POLE: variants seen among roughly 807,000 people sequenced by gnomAD.
POLE encodes DNA polymerase epsilon, catalytic subunit, also known as DNA polymerase epsilon catalytic subunit A.
A neutral mutation model predicts 279.2 loss-of-function variants in POLE; 188 were observed. The observed-to-expected ratio is 0.67, with a 90% CI of 0.60 to 0.76. The LOEUF is 0.76. Ranked by LOEUF, POLE falls within the 30% of genes least tolerant of loss-of-function variation. POLE has a pLI of 0.00. For synonymous variants in POLE, 1,214 were observed against 1,172.5 expected, an observed-to-expected ratio of 1.04 and a Z score of -0.72; for missense variants, 2,703 against 3,016.7, an observed-to-expected ratio of 0.90 and a Z score of 2.44.
rs33985588 is a variant in POLE, at chr12:132,668,082, CAA to C, written c.2173+272_2173+273del. 4.0e-5 allele frequency among the ~76,000 whole-genome samples: 6 copies of C among 148,770 alleles called. No homozygotes were observed. Among genetic ancestry groups the C allele is most frequent in the African/African-American group, 4.9e-5 (2 of 40,614 alleles). On this transcript the variant is annotated intron_variant, in intron 19 of 48. Transcript: ENST00000320574. This position sits in a 1 kb window ranked among gnomAD's most constrained non-coding sequence, Gnocchi z 4.0. ...TGGGTGACAGAGTGAGACCTCATTT[CAA>C]AAAAAAAAAGAAAGAAATAGGACAG...
At chr12:132,671,693 A>AAAAAAAAAAAAAC in intron 16 of POLE, among the ~76,000 whole-genome samples, 1 of 151,288 alleles carries the variant, frequency 6.6e-6, no homozygotes. Flanking sequence ...AAAAAAAAAA[A>AAAAAAAAAAAAAC]AAAAAAAAAG....
rs2041776799 is a variant in POLE at position 132,623,921 on chromosome 12, G to A, written c.*776C>T. 1 of 189,736 alleles carries A rather than the reference G, an allele frequency of 5.3e-6. No homozygotes were observed. The highest frequency in any genetic ancestry group is 2.3e-5 in the African/African-American group (1 of 42,818). 11.8% of individuals were successfully genotyped at this position (189,736 alleles called of 1,614,324 possible). A position where few individuals can be genotyped will look rare whatever the true frequency, so the allele number is the denominator to read the frequency against. ...CTCCTGTGAGGCTCTCGTCTGGGGT[G>A]TCTGCATTTCTGATTTACATTTCAT... On this transcript the variant is annotated 3_prime_UTR_variant, in exon 49 of 49. Transcript: ENST00000320574.
In POLE at chr12:132,632,512, G is replaced by A. The variant is rs2041953936; in HGVS notation, c.6137-4C>T. The A allele has an allele frequency of 6.2e-7, 1 of 1,613,786 alleles. No homozygotes were observed. Among genetic ancestry groups the A allele is most frequent in the Non-Finnish European group, 8.5e-7 (1 of 1,179,676 alleles). Reference sequence around the variant, plus strand: ...TCCTGAGAGAAGGTGATCATTCCTGGAAGTATAAGGATGCTGAGGGAGGGG... The same window carrying A: ...TCCTGAGAGAAGGTGATCATTCCTGAAAGTATAAGGATGCTGAGGGAGGGG... On this transcript the variant is annotated splice_polypyrimidine_tract_variant and splice_region_variant and intron_variant, in intron 44 of 48. Coordinates refer to ENST00000320574, the MANE Select transcript of POLE (RefSeq NM_006231.4).
chr12:132,658,014 C>T (rs1565954197), intron 26 of POLE, 44 bp from the exon 27 acceptor site: 1 of 1,203,046 alleles, frequency 8.3e-7, no homozygotes, highest in African/African-American at 1.5e-5. Flanking sequence ...CAGTGAAAAT[C>T]ACCCAAAATC....
At chr12:132,626,493 G>A (rs1004051850) in intron 45 of POLE, among the ~76,000 whole-genome samples, 176 bp from the exon 46 acceptor site, 4 of 152,182 alleles carry the variant, frequency 2.6e-5, no homozygotes, top group African/African-American at 9.7e-5. Context: ...CATCGGTGAG[G>A]ACAGGCTTCC....
chr12:132,672,824 A>G lies in POLE; in HGVS notation c.1489T>C (p.Ser497Pro), dbSNP rs764069224. Residue 497 changes from serine to proline, a missense_variant, in exon 15 of 49, where the codon TCT (serine) becomes CCT (proline). Transcript: ENST00000320574. Reference sequence around the variant, plus strand: ...AGCAAGGCCTCACACAGAGTGCCAGAGCCCTTCCGCAGCACCTGCAAGAGA... The same window carrying G: ...AGCAAGGCCTCACACAGAGTGCCAGGGCCCTTCCGCAGCACCTGCAAGAGA... ...MEPDEVLRKG[S>P]GTLCEALLMV... The G allele has an allele frequency of 2.5e-6, 4 of 1,613,996 alleles. No individual in the cohort carries two copies. The highest frequency in any genetic ancestry group is 3.4e-6 in the Non-Finnish European group (4 of 1,179,970).
At chr12:132,656,320 T>TC (rs199782655) in intron 29 of POLE, among the ~76,000 whole-genome samples, 2,591 of 151,798 alleles carry the variant, frequency 0.017, 65 homozygotes, top group African/African-American at 0.057. Context: ...CTCTTACAAA[T>TC]AAGACAGTTA....
At chr12:132,637,865 C>T in intron 41 of POLE, 149 bp downstream of exon 41, 2 of 826,272 alleles carry the variant, frequency 2.4e-6, no homozygotes, top group Non-Finnish European at 3.6e-6. Context: ...CGGTAACCCC[C>T]TTTTCACGCT....
Position 132,682,869 on chromosome 12 carries a change from C to T in POLE, c.63-1590G>A, listed in dbSNP as rs565955113. 3.9e-3 allele frequency among the ~76,000 whole-genome samples: 587 copies of T among 151,902 alleles called. 2 individuals are homozygous for T. The highest frequency in any genetic ancestry group is 0.013 in the African/African-American group (558 of 41,398). The stretch of plus-strand genomic sequence containing the variant: ...TCGGGAGGCTGAGGCAGGAGAATGG[C>T]GTGAATCCAGGAGGCAGAGCTTGCA... On this transcript the variant is annotated intron_variant, in intron 1 of 48. Coordinates refer to ENST00000320574, the MANE Select transcript of POLE (RefSeq NM_006231.4).
In POLE at chr12:132,651,581, C is replaced by T. The variant is rs149096301; in HGVS notation, c.3583-1692G>A. ...GCAGGCAGCTCCCAAAATGGCCCAA[C>T]GACCCCCACTTCCTGGTGTTCACAC... On this transcript the variant is annotated intron_variant, in intron 29 of 48. Coordinates refer to ENST00000320574, the MANE Select transcript of POLE (RefSeq NM_006231.4). Among the ~76,000 whole-genome samples, 5 of 152,366 alleles carry T rather than the reference C, an allele frequency of 3.3e-5. 1 individual carries two copies. The highest frequency in any genetic ancestry group is 7.2e-5 in the African/African-American group (3 of 41,590).
rs763570508 is a variant in POLE at position 132,661,216 on chromosome 12, C to G, written c.2865-52G>C. On this transcript the variant is annotated intron_variant, in intron 24 of 48. Coordinates refer to ENST00000320574, the MANE Select transcript of POLE (RefSeq NM_006231.4). This position sits in a 1 kb window ranked among gnomAD's most constrained non-coding sequence, Gnocchi z 4.1. ...AGCAGTGGCAAGGAGCGCTGGGGAG[C>G]CACCAGCTGTGCCTCATCCTCTCTG... 1 of 1,484,334 alleles carries G rather than the reference C, an allele frequency of 6.7e-7. No homozygotes were observed. The highest frequency in any genetic ancestry group is 9.1e-7 in the Non-Finnish European group (1 of 1,099,018). The allele number at this position is 1,484,334 out of a possible 1,614,324, so 91.9% of individuals were successfully genotyped here.
intron 7 of POLE, 39 bp from the exon 8 acceptor site, chr12:132,677,482 C>T (rs1292446645): frequency 6.2e-7 from 1 of 1,608,590 alleles, no homozygotes; most frequent in Non-Finnish European, 8.5e-7. Context: ...GTTCTACATC[C>T]AGGAAAGTCT....
At chr12:132,671,053 AG>A (rs1416715356) in intron 16 of POLE, among the ~76,000 whole-genome samples, 1 of 150,596 alleles carries the variant, frequency 6.6e-6, no homozygotes, top group Non-Finnish European at 1.5e-5. Flanking sequence ...ACTTACAGTC[AG>A]GAGTTCGAAA....
chr12:132,643,838 T>C lies in POLE; in HGVS notation c.4289A>G (p.Gln1430Arg), dbSNP rs1060500836. The change falls in exon 33 of 49, where the codon CAG (glutamine) becomes CGG (arginine). Residue 1430 changes from glutamine (Q) to arginine (R), a missense_variant and splice_region_variant. Gln to Arg is a conservative substitution (Grantham distance 43). Transcript: ENST00000320574. ...AGTCGAGGGTGGCTGGGGAGTCACCTGAGTCTCATATACGCCCTCGATGTC... is the reference window on the plus strand; with the variant it reads ...AGTCGAGGGTGGCTGGGGAGTCACCCGAGTCTCATATACGCCCTCGATGTC... The part of the protein sequence containing the change: ...APDIEGVYET[Q>R]VPLLFRALVH... The C allele has an allele frequency of 6.2e-7, 1 of 1,613,352 alleles. No homozygotes were observed. Among genetic ancestry groups the C allele is most frequent in the Non-Finnish European group, 8.5e-7 (1 of 1,179,434 alleles).
chr12:132,643,089 A>G (rs2042191376), intron 35 of POLE, 93 bp from the exon 36 acceptor site: 1 of 1,476,166 alleles, frequency 6.8e-7, no homozygotes, highest in South Asian at 1.3e-5. Flanking sequence ...GGCACTGCCA[A>G]TTCAATCACG....
chr12:132,649,735 G>C lies in POLE; in HGVS notation c.3737C>G (p.Thr1246Arg), dbSNP rs750902578. Residue 1246 changes from threonine (T) to arginine (R), a missense_variant, in exon 30 of 49, where the codon ACG becomes AGG. Physicochemically the swap from Thr to Arg is moderately conservative, Grantham distance 71. This residue lies in a region of POLE where 1,551 missense variants were observed against 1,686.1 expected (regional missense o/e 0.92). Coordinates refer to ENST00000320574, the MANE Select transcript of POLE (RefSeq NM_006231.4). ...WESQEESQDL[T>R]PTVPWQEILG... Reference sequence around the variant, plus strand: ...GATTTCCTGCCAGGGCACAGTCGGCGTGAGGTCCTGGGACTCCTCCTGGCT... The same window carrying C: ...GATTTCCTGCCAGGGCACAGTCGGCCTGAGGTCCTGGGACTCCTCCTGGCT... 6.2e-6 allele frequency: 10 copies of C among 1,614,094 alleles called. No homozygotes were observed. The highest frequency in any genetic ancestry group is 3.3e-5 in the South Asian group (3 of 91,092).
In POLE at chr12:132,657,216, G is replaced by A. The variant is rs2138657027; in HGVS notation, c.3502C>T (p.His1168Tyr). ...VPRVKHPDWL[H>Y]KKLLEKNDVY... Reference sequence around the variant, plus strand: ...TCATTCTTCTCCAGCAGTTTTTTGTGCAGCCAGTCGGGGTGTTTGACACGT... The same window carrying A: ...TCATTCTTCTCCAGCAGTTTTTTGTACAGCCAGTCGGGGTGTTTGACACGT... The change falls in exon 29 of 49, where the codon CAC becomes TAC. Residue 1168 changes from histidine (H) to tyrosine (Y), a missense_variant. This residue lies in a region of POLE where 1,551 missense variants were observed against 1,686.1 expected (regional missense o/e 0.92). Transcript: ENST00000320574. 1.9e-6 allele frequency: 3 copies of A among 1,613,922 alleles called. No individual in the cohort carries two copies. The highest frequency in any genetic ancestry group is 2.5e-6 in the Non-Finnish European group (3 of 1,179,938).
chr12:132,648,798 T>A (rs2042345506), intron 32 of POLE, 131 bp downstream of exon 32: 2 of 965,712 alleles, frequency 2.1e-6, no homozygotes, highest in Non-Finnish European at 3.1e-6. Context: ...CTCACACACG[T>A]TGTTTTGAGG....
At chr12:132,641,228 T>A (rs547668116) in intron 39 of POLE, 19 of 378,936 alleles carry the variant, frequency 5.0e-5, no homozygotes, top group African/African-American at 3.8e-4. Flanking sequence ...CCCTCAACCA[T>A]GCTCTCCGCA....
Sources: gnomAD v4.1 joint callset for allele counts (sites outside exome capture counted in the v4.1 genomes callset) on GRCh38, gnomAD v4.1.1 for gene constraint, gnomAD v4.1.1 regional missense constraint, Gnocchi (gnomAD v3.1) non-coding constraint, MANE v1.5 for transcripts, NCBI Gene and HGNC (gene_info 2026-07-23, HGNC 2026-07-21) for gene names.